The following SMARCA2 variants were observed in gnomAD, a reference collection of about 807,000 sequenced individuals.
SMARCA2 encodes the protein SWI/SNF-related matrix-associated actin-dependent regulator of chromatin subfamily A member 2.
A neutral mutation model predicts 199.8 loss-of-function variants in SMARCA2; 61 were observed. The ratio of observed to expected loss-of-function variants is 0.31; its 90% CI spans 0.25 to 0.38. The LOEUF (loss-of-function observed/expected upper bound fraction) is 0.38. Ranked by LOEUF, SMARCA2 falls within the 10% of genes least tolerant of loss-of-function variation. The pLI is 1.00. For synonymous variants in SMARCA2, 935 were observed against 732.0 expected, an observed-to-expected ratio of 1.28 and a Z score of -4.48; for missense variants, 1,344 against 2,012.2, an observed-to-expected ratio of 0.67 and a Z score of 6.35.
chr9:2,111,770 G>A (rs1160212477), intron 24 of SMARCA2, among the ~76,000 whole-genome samples: 1 of 152,082 alleles, frequency 6.6e-6, no homozygotes, highest in African/African-American at 2.4e-5. Flanking sequence ...TTCTTATTCG[G>A]TGGAGCTAGG....
At chr9:2,023,833 A>G (rs1288324600) in intron 1 of SMARCA2, among the ~76,000 whole-genome samples, 2 of 152,198 alleles carry the variant, frequency 1.3e-5, no homozygotes, top group African/African-American at 4.8e-5. Context: ...CACATACAAA[A>G]CAAGAGGCAG....
chr9:2,030,359 A>G (rs1320187861), intron 2 of SMARCA2, among the ~76,000 whole-genome samples: 1 of 152,056 alleles, frequency 6.6e-6, no homozygotes, highest in African/African-American at 2.4e-5. Flanking sequence ...CAGGAGTTCC[A>G]GGAGAACTGA....
intron 1 of SMARCA2, among the ~76,000 whole-genome samples, chr9:2,028,653 A>C (rs974739524): frequency 2.6e-5 from 4 of 152,176 alleles, no homozygotes; most frequent in Non-Finnish European, 4.4e-5. Flanking sequence ...AGTAATGGAG[A>C]GCATCTGTTG....
In SMARCA2 at chr9:2,160,066, A is replaced by G. The variant is rs1021618324; in HGVS notation, c.3982-1620A>G. On this transcript the variant is annotated intron_variant, in intron 27 of 33. Transcript: ENST00000349721. ...TACCATTAACTGTTGACAGCCTTGCATGCTGTATTTATTATTAGCATGTTC... is the reference window on the plus strand; with the variant it reads ...TACCATTAACTGTTGACAGCCTTGCGTGCTGTATTTATTATTAGCATGTTC... The G allele has an allele frequency of 5.5e-6, 5 of 912,546 alleles. No homozygotes were observed. The African/African-American group carries it at 8.3e-5, about 15-fold the overall frequency. The allele number at this position is 912,546 out of a possible 1,614,324, so 56.5% of individuals were successfully genotyped here. A position where few individuals can be genotyped will look rare whatever the true frequency, so the allele number is the denominator to read the frequency against.
At chr9:2,018,737 T>C (rs893350406) in intron 1 of SMARCA2, among the ~76,000 whole-genome samples, 7 of 152,212 alleles carry the variant, frequency 4.6e-5, no homozygotes, top group African/African-American at 1.4e-4. Context: ...TCAGAAACCA[T>C]TGAGAACCCT....
chr9:2,088,263 G>A (rs1821888905), intron 18 of SMARCA2, among the ~76,000 whole-genome samples: 1 of 152,110 alleles, frequency 6.6e-6, no homozygotes, highest in Non-Finnish European at 1.5e-5. Flanking sequence ...TGGCTTCCGG[G>A]CTCTTTTCCA....
At chr9:2,065,420 C>G (rs1820796523) in intron 9 of SMARCA2, among the ~76,000 whole-genome samples, 2 of 152,128 alleles carry the variant, frequency 1.3e-5, no homozygotes, top group African/African-American at 4.8e-5. Context: ...GTTCGATTTT[C>G]TTTCTGAAAG....
At chr9:2,186,992 A>C (rs1439643096) in intron 32 of SMARCA2, among the ~76,000 whole-genome samples, 1 of 152,216 alleles carries the variant, frequency 6.6e-6, no homozygotes, top group East Asian at 1.9e-4. Flanking sequence ...GTGGGGCCTG[A>C]GAATCCGTAT....
intron 28 of SMARCA2, among the ~76,000 whole-genome samples, chr9:2,166,360 T>G (rs7858605): frequency 2.6e-5 from 4 of 151,904 alleles, no homozygotes; most frequent in Non-Finnish European, 4.4e-5. Flanking sequence ...TGTTTACTTT[T>G]TCCAGCAACC....
At chr9:2,136,121 T>A (rs1325248558) in intron 27 of SMARCA2, among the ~76,000 whole-genome samples, 1 of 151,830 alleles carries the variant, frequency 6.6e-6, no homozygotes, top group Non-Finnish European at 1.5e-5. Context: ...ATTACAGGCA[T>A]GAGCCATCGT....
chr9:2,059,950 G>A (rs1187136968), intron 8 of SMARCA2, among the ~76,000 whole-genome samples: 1 of 151,874 alleles, frequency 6.6e-6, no homozygotes, highest in Non-Finnish European at 1.5e-5. Flanking sequence ...TCTCAAAATG[G>A]CTTAGAGTAC....
At position 2,104,426 on chromosome 9, in the gene SMARCA2, AAAATT is replaced by A. The variant is rs1486964419; in HGVS notation, c.3292+261_3292+265del. ...TCACTTTTGAGTACCTAAATAAAAT[AAAATT>A]AAACTAAATTAAAATTTTAAAATCT... On this transcript the variant is annotated intron_variant, in intron 23 of 33. Coordinates refer to ENST00000349721, the MANE Select transcript of SMARCA2 (RefSeq NM_003070.5). This position sits in a 1 kb window ranked among gnomAD's most constrained non-coding sequence, Gnocchi z 4.0. Among the ~76,000 whole-genome samples the A allele has an allele frequency of 6.6e-6, 1 of 152,236 alleles. No homozygotes were observed. The highest frequency in any genetic ancestry group is 1.9e-4 in the East Asian group (1 of 5,204).
chr9:2,019,519 C>T (rs1423878878), intron 1 of SMARCA2, among the ~76,000 whole-genome samples: 1 of 149,576 alleles, frequency 6.7e-6, no homozygotes, highest in Non-Finnish European at 1.5e-5. Flanking sequence ...AAAAAAGTGC[C>T]TCGGCTTGTA....
chr9:2,183,886 G>T (rs1226871460), intron 31 of SMARCA2, among the ~76,000 whole-genome samples: 1 of 152,088 alleles, frequency 6.6e-6, no homozygotes, highest in Admixed American at 6.5e-5. Context: ...TGTCAATATG[G>T]CATTATTATG....
At position 2,186,146 on chromosome 9, in the gene SMARCA2, G is replaced by C. The variant is rs201825831; in HGVS notation, c.4512G>C (p.Gln1504His). Residue 1504 changes from glutamine to histidine, a missense_variant, in exon 32 of 34, where the codon CAG (glutamine) becomes CAC (histidine). Transcript: ENST00000349721. ...AGTCAGTGTTTAAGAGTGCCCGGCA[G>C]AAAATTGCCAAAGAGGAAGAGAGTG... is the stretch of plus-strand genomic sequence containing the variant. The part of the protein sequence containing the change: ...VLQSVFKSAR[Q>H]KIAKEEESED... 1 of 1,614,080 alleles carries C rather than the reference G, an allele frequency of 6.2e-7. No individual in the cohort carries two copies. Among genetic ancestry groups the C allele is most frequent in the Admixed American group, 1.7e-5 (1 of 60,018 alleles).
At chr9:2,167,046 T>C (rs2129685490) in intron 28 of SMARCA2, among the ~76,000 whole-genome samples, 1 of 152,368 alleles carries the variant, frequency 6.6e-6, no homozygotes, top group Non-Finnish European at 1.5e-5. Flanking sequence ...AGGGTCAACA[T>C]GAAGTGTAAC....
Position 2,054,735 on chromosome 9 carries a change from TC to T in SMARCA2, c.1173+16del. On this transcript the variant is annotated intron_variant, in intron 6 of 33. Transcript: ENST00000349721. Reference sequence around the variant, plus strand: ...ATTTCCAGCGTCAGGTAATACATTTTCCCCAGTGAATCTGAGATGTAGGAAA... The same window carrying T: ...ATTTCCAGCGTCAGGTAATACATTTTCCCAGTGAATCTGAGATGTAGGAAA... 6.2e-7 allele frequency: 1 copy of T among 1,613,764 alleles called. No homozygotes were observed.
chr9:2,177,223 T>G (rs953433038), intron 29 of SMARCA2, among the ~76,000 whole-genome samples: 2 of 152,228 alleles, frequency 1.3e-5, no homozygotes, highest in Non-Finnish European at 2.9e-5. Flanking sequence ...TTTAAAGTTT[T>G]CTTCCCAAAC....
At chr9:2,186,280 A>G (rs375401344) in intron 32 of SMARCA2, 52 bp downstream of exon 32, 170 of 1,555,698 alleles carry the variant, frequency 1.1e-4, no homozygotes, top group Non-Finnish European at 1.4e-4. Flanking sequence ...TCACCTGCAT[A>G]GCTGTCTCCA....
Sources: allele counts gnomAD v4.1 joint callset (sites outside exome capture counted in the v4.1 genomes callset), GRCh38; gene constraint gnomAD v4.1.1; non-coding constraint Gnocchi (gnomAD v3.1); transcripts MANE v1.5; gene names NCBI Gene and HGNC (gene_info 2026-07-23, HGNC 2026-07-21).